STK38L: variants seen among roughly 807,000 people sequenced by gnomAD.
STK38L encodes the protein serine/threonine kinase 38 like, also known as serine/threonine-protein kinase 38-like.
STK38L carries 28 observed loss-of-function variants against 59.7 expected under a neutral mutation model. The ratio of observed to expected loss-of-function variants is 0.47; its 90% CI spans 0.35 to 0.64. The LOEUF is 0.64. Among genes scored for constraint, STK38L ranks in the 30% least tolerant of loss-of-function variants. The pLI is 0.01. For synonymous variants in STK38L, 162 were observed against 176.8 expected (o/e 0.92, Z 0.66); for missense variants, 314 against 555.8 (o/e 0.56, Z 4.37).
At chr12:27,244,656 A>C (rs570214909) in intron 1 of STK38L, among the ~76,000 whole-genome samples, 34 of 152,210 alleles carry the variant, frequency 2.2e-4, no homozygotes, top group African/African-American at 7.2e-4. Flanking sequence ...AAACAATAAC[A>C]AATGTCGCGG....
chr12:27,277,520 C>G (rs1943563694), intron 1 of STK38L, among the ~76,000 whole-genome samples: 1 of 152,106 alleles, frequency 6.6e-6, no homozygotes, highest in South Asian at 2.1e-4. Flanking sequence ...GGTAAGTTTT[C>G]TGTTCATTTC....
At chr12:27,246,982 C>T (rs1473583110) in intron 1 of STK38L, among the ~76,000 whole-genome samples, 1 of 152,092 alleles carries the variant, frequency 6.6e-6, no homozygotes, top group African/African-American at 2.4e-5. Flanking sequence ...AAATAAATAC[C>T]ATAGAAAATG....
chr12:27,285,743 C>G (rs897753759), intron 1 of STK38L, among the ~76,000 whole-genome samples: 5 of 152,194 alleles, frequency 3.3e-5, no homozygotes, highest in African/African-American at 1.2e-4. Context: ...CAGGCATTAT[C>G]TCCCTTAAAA....
intron 1 of STK38L, among the ~76,000 whole-genome samples, chr12:27,274,202 A>C (rs947302353): frequency 2.0e-5 from 3 of 147,476 alleles, no homozygotes; most frequent in Non-Finnish European, 4.5e-5. Flanking sequence ...GCGCCACTGC[A>C]CTCCAGCCTG....
chr12:27,304,410 A>G (rs777735024), intron 3 of STK38L, among the ~76,000 whole-genome samples: 5 of 152,242 alleles, frequency 3.3e-5, no homozygotes, highest in South Asian at 2.1e-4. Flanking sequence ...ATCAAATACA[A>G]TATTTTATGA....
At chr12:27,291,769 C>T (rs930432952) in intron 1 of STK38L, among the ~76,000 whole-genome samples, 7 of 152,202 alleles carry the variant, frequency 4.6e-5, no homozygotes, top group Middle Eastern at 6.8e-3. Context: ...TGAATTTAGG[C>T]GAATTTTTAT....
rs907788113 is a variant in STK38L at position 27,317,956 on chromosome 12, A to G, written c.1016A>G (p.Lys339Arg). 5 of 1,613,932 alleles carry G rather than the reference A, an allele frequency of 3.1e-6. No individual in the cohort carries two copies. Among genetic ancestry groups the G allele is most frequent in the Non-Finnish European group, 4.2e-6 (5 of 1,179,950 alleles). ...QETYRKVMNW[K>R]ETLVFPPEVP... ...ACGTACAGAAAAGTGATGAACTGGAAAGAAACTCTGGTATTTCCTCCAGAG... is the reference window on the plus strand; with the variant it reads ...ACGTACAGAAAAGTGATGAACTGGAGAGAAACTCTGGTATTTCCTCCAGAG... The change falls in exon 11 of 14, where the codon AAA becomes AGA. Residue 339 changes from lysine to arginine, a missense_variant. Transcript: ENST00000389032.
At chr12:27,302,762 T>A (rs543822949) in intron 3 of STK38L, among the ~76,000 whole-genome samples, 64 of 152,142 alleles carry the variant, frequency 4.2e-4, no homozygotes, top group East Asian at 3.7e-3. Context: ...AGCTCACACC[T>A]GTAATCCCAG....
chr12:27,312,734 A>G (rs1944485468), intron 6 of STK38L, 62 bp downstream of exon 6: 1 of 1,576,248 alleles, frequency 6.3e-7, no homozygotes, highest in Non-Finnish European at 8.6e-7. Flanking sequence ...TGCAACAATA[A>G]TTTTATTGGT....
At chr12:27,252,858 A>G (rs1178061866) in intron 1 of STK38L, among the ~76,000 whole-genome samples, 1 of 152,182 alleles carries the variant, frequency 6.6e-6, no homozygotes, top group South Asian at 2.1e-4. Flanking sequence ...TTTATCAGCT[A>G]TTTGCAGGGC....
intron 1 of STK38L, among the ~76,000 whole-genome samples, chr12:27,294,977 G>A (rs914945149): frequency 2.0e-5 from 3 of 152,016 alleles, no homozygotes; most frequent in Admixed American, 6.6e-5. Context: ...CAGGATTAGA[G>A]TCATGAGCCA....
In STK38L at chr12:27,272,534, G is replaced by T. The variant is rs534996278; in HGVS notation, c.-11-25176G>T. The stretch of plus-strand genomic sequence containing the variant: ...TGCAAATTAATTAGCTGCATTCAAG[G>T]CATCACACAGATTGAATTCCATATT... On this transcript the variant is annotated intron_variant, in intron 1 of 13. Coordinates refer to ENST00000389032, the MANE Select transcript of STK38L (RefSeq NM_015000.4). Among the ~76,000 whole-genome samples, 3 of 152,248 alleles carry T rather than the reference G, an allele frequency of 2.0e-5. No individual in the cohort carries two copies. In the South Asian group the frequency reaches 6.2e-4, roughly 32 times the overall value.
chr12:27,297,772 C>G lies in STK38L; in HGVS notation c.52C>G (p.Arg18Gly). Residue 18 changes from arginine (R) to glycine (G), a missense_variant, in exon 2 of 14, where the codon CGG becomes GGG. Transcript: ENST00000389032. ...AACCTTTCCTATGAGCAACCATACC[C>G]GGGAAAGAGTGACTGTAGCCAAGCT... ...TTTFPMSNHT[R>G]ERVTVAKLTL... 1 of 1,613,990 alleles carries G rather than the reference C, an allele frequency of 6.2e-7. No individual in the cohort carries two copies. The highest frequency in any genetic ancestry group is 8.5e-7 in the Non-Finnish European group (1 of 1,179,932).
intron 1 of STK38L, among the ~76,000 whole-genome samples, chr12:27,258,927 T>C (rs1387006362): frequency 1.3e-5 from 2 of 151,288 alleles, no homozygotes; most frequent in African/African-American, 2.4e-5. Context: ...CTGAGTTTTG[T>C]TATTTAATTG....
At chr12:27,262,861 G>A (rs975916514) in intron 1 of STK38L, among the ~76,000 whole-genome samples, 35 of 150,910 alleles carry the variant, frequency 2.3e-4, no homozygotes, top group Non-Finnish European at 3.5e-4. Context: ...CGCAGTGGTG[G>A]GATCCCAGCT....
chr12:27,288,097 G>A (rs942266120), intron 1 of STK38L, among the ~76,000 whole-genome samples: 1 of 152,124 alleles, frequency 6.6e-6, no homozygotes, highest in Non-Finnish European at 1.5e-5. Flanking sequence ...GGCCAGGCTG[G>A]TATCGAACTC....
chr12:27,245,089 C>T (rs115255200), intron 1 of STK38L, among the ~76,000 whole-genome samples: 236 of 152,244 alleles, frequency 1.6e-3, no homozygotes, highest in African/African-American at 5.3e-3. Flanking sequence ...CAGTGGCCTC[C>T]CCTTTTACTG....
At chr12:27,248,399 T>C (rs953086719) in intron 1 of STK38L, among the ~76,000 whole-genome samples, 2 of 152,244 alleles carry the variant, frequency 1.3e-5, no homozygotes, top group African/African-American at 4.8e-5. Flanking sequence ...GCCTACTCAG[T>C]ACTGTAAATG....
At position 27,324,314 on chromosome 12, in the gene STK38L, T is replaced by C. The variant is rs1355150413; in HGVS notation, c.*1859T>C. ...TTATAACTGCCTTTAATTAACATAA[T>C]ATTAACTTTTGCTGAGGTTTATGAG... is the stretch of plus-strand genomic sequence containing the variant. On this transcript the variant is annotated 3_prime_UTR_variant, in exon 14 of 14. Coordinates refer to ENST00000389032, the MANE Select transcript of STK38L (RefSeq NM_015000.4). The C allele has an allele frequency of 6.6e-6, 1 of 152,102 alleles. No homozygotes were observed. Among genetic ancestry groups the C allele is most frequent in the Non-Finnish European group, 1.5e-5 (1 of 67,962 alleles). 9.4% of individuals were successfully genotyped at this position (152,102 alleles called of 1,614,324 possible). A position where few individuals can be genotyped will look rare whatever the true frequency, so the allele number is the denominator to read the frequency against.
Sources: allele counts gnomAD v4.1 joint callset (sites outside exome capture counted in the v4.1 genomes callset), GRCh38; gene constraint gnomAD v4.1.1; transcripts MANE v1.5; gene names NCBI Gene and HGNC (gene_info 2026-07-23, HGNC 2026-07-21).